The following EFHB variants were observed in gnomAD, a reference collection of about 807,000 sequenced individuals.
The protein encoded by EFHB is EF-hand domain family member B, also known as EF-hand domain-containing family member B.
A neutral mutation model predicts 87.2 loss-of-function variants in EFHB; 91 were observed. The observed-to-expected ratio is 1.04, with a 90% confidence interval of 0.88 to 1.24. The LOEUF (loss-of-function observed/expected upper bound fraction) is 1.24, where lower values mean the gene tolerates loss of function less well. Ranked by LOEUF, EFHB falls within the 50% of genes most tolerant of loss-of-function variation. EFHB has a pLI of 0.00. For synonymous variants in EFHB, 325 were observed against 333.6 expected (o/e 0.97, Z 0.28); for missense variants, 1,084 against 998.8 (o/e 1.09, Z -1.15).
Position 19,879,658 on chromosome 3 carries a change from G to A in EFHB, c.2475C>T (p.Asp825=), listed in dbSNP as rs1390683263. 5 of 1,599,532 alleles carry A rather than the reference G, an allele frequency of 3.1e-6. No individual in the cohort carries two copies. The African/African-American group carries it at 4.0e-5, about 13-fold the overall frequency. The part of the protein sequence containing the change: ...RNVLDELRHA[D]RIKCKTLM ...ACATGAGTGTTTTACACTTGATCCG[G>A]TCTGCATGCCGTAGCTCATCTAGAA... The change falls in exon 13 of 13, where the codon GAC becomes GAT. Residue 825 remains aspartate (D), a synonymous_variant. Coordinates refer to ENST00000295824, the MANE Select transcript of EFHB (RefSeq NM_144715.4).
chr3:19,923,042 C>T (rs938222477), intron 1 of EFHB, among the ~76,000 whole-genome samples: 1 of 152,034 alleles, frequency 6.6e-6, no homozygotes, highest in Non-Finnish European at 1.5e-5. Context: ...CAAAGGCGGG[C>T]GGATCACAAG....
At chr3:19,879,907 G>A (rs2071630149) in intron 12 of EFHB, 103 bp from the exon 13 acceptor site, 1 of 1,163,376 alleles carries the variant, frequency 8.6e-7, no homozygotes, top group Admixed American at 2.8e-5. Context: ...TTCCAAAAAA[G>A]TATGTGTGAA....
intron 1 of EFHB, among the ~76,000 whole-genome samples, chr3:19,927,317 G>T (rs1005025451): frequency 4.3e-4 from 65 of 152,204 alleles, no homozygotes; most frequent in Non-Finnish European, 7.5e-4. Context: ...CCCTTTCAAG[G>T]GCTACCAGGC....
rs143943843 is a variant in EFHB at position 19,920,030 on chromosome 3, A to G, written c.853-54T>C. The stretch of plus-strand genomic sequence containing the variant: ...TTAAGTACAGTTTCTAAAAATATTA[A>G]CAGGACTGATCTATACCAATCAACC... On this transcript the variant is annotated intron_variant, in intron 2 of 12. Coordinates refer to ENST00000295824, the MANE Select transcript of EFHB (RefSeq NM_144715.4). 2.5e-3 allele frequency: 3,934 copies of G among 1,594,126 alleles called. 8 individuals carry two copies. Among genetic ancestry groups the G allele is most frequent in the Non-Finnish European group, 3.1e-3 (3,557 of 1,165,458 alleles).
Position 19,908,654 on chromosome 3 carries a change from A to AAGAAAGAT in EFHB, c.1289-2906_1289-2905insATCTTTCT, listed in dbSNP as rs1185730604. On this transcript the variant is annotated intron_variant, in intron 5 of 12. Transcript: ENST00000295824. ...AAAGAAAGAAAGAAAGAAAGAAAGA[A>AAGAAAGAT]AAAGAAAGTTCTGTGTGAGATAGAG... Among the ~76,000 whole-genome samples the AAGAAAGAT allele has an allele frequency of 1.6e-3, 233 of 148,690 alleles. 5 individuals carry two copies. The highest frequency in any genetic ancestry group is 5.7e-3 in the African/African-American group (227 of 39,970).
intron 1 of EFHB, among the ~76,000 whole-genome samples, chr3:19,924,635 C>A (rs1301800449): frequency 2.0e-5 from 3 of 152,174 alleles, no homozygotes; most frequent in Admixed American, 2.0e-4. Context: ...GGGGAAGACT[C>A]ATCAACCTTG....
intron 1 of EFHB, among the ~76,000 whole-genome samples, chr3:19,925,628 G>C (rs1042169179): frequency 6.6e-6 from 1 of 152,034 alleles, no homozygotes; most frequent in Non-Finnish European, 1.5e-5. Context: ...TAACAACACC[G>C]GAGACACCTT....
intron 1 of EFHB, 140 bp from the exon 2 acceptor site, chr3:19,920,707 G>C (rs2931404): frequency 0.15 from 89,661 of 594,052 alleles, 7,738 homozygotes; most frequent in South Asian, 0.26. Context: ...AGAACAAATA[G>C]TAAATGTAAA....
intron 1 of EFHB, among the ~76,000 whole-genome samples, chr3:19,939,398 T>TTTTTTTC: frequency 9.3e-6 from 1 of 107,784 alleles, no homozygotes; most frequent in African/African-American, 3.2e-5. Flanking sequence ...TTTTTTTTTT[T>TTTTTTTC]TTGGGATGGA....
chr3:19,929,920 G>C (rs1035273504), intron 1 of EFHB, among the ~76,000 whole-genome samples: 2 of 152,060 alleles, frequency 1.3e-5, no homozygotes, highest in African/African-American at 4.8e-5. Context: ...CTCTCAAATA[G>C]GAATTTGAGA....
intron 11 of EFHB, among the ~76,000 whole-genome samples, chr3:19,883,551 T>A (rs185236010): frequency 6.6e-6 from 1 of 152,328 alleles, no homozygotes; most frequent in East Asian, 1.9e-4. Context: ...GATATATGGA[T>A]GTTATAGGTT....
intron 5 of EFHB, among the ~76,000 whole-genome samples, chr3:19,908,598 G>GAGAGAAAGAAAGAA (rs1694937855): frequency 1.8e-4 from 14 of 77,854 alleles, no homozygotes; most frequent in Non-Finnish European, 2.4e-4. Context: ...GAGAGAGAGA[G>GAGAGAAAGAAAGAA]AGAAAGAAAG....
chr3:19,924,250 G>T, intron 1 of EFHB, among the ~76,000 whole-genome samples: 1 of 140,630 alleles, frequency 7.1e-6, no homozygotes, highest in Non-Finnish European at 1.5e-5. Context: ...GTCGTCCTCT[G>T]TTGCCCAGGC....
chr3:19,882,523 C>T, intron 12 of EFHB, 27 bp downstream of exon 12: 1 of 1,450,554 alleles, frequency 6.9e-7, no homozygotes, highest in Non-Finnish European at 9.2e-7. Context: ...GAAAACATTT[C>T]CATTTTTGTA....
rs558257224 is a variant in EFHB, at chr3:19,929,659, A to C, written c.789+3571T>G. 2.8e-5 allele frequency among the ~76,000 whole-genome samples: 4 copies of C among 143,540 alleles called. No homozygotes were observed. In the East Asian group the frequency reaches 8.5e-4, roughly 31 times the overall value. 94.2% of individuals were successfully genotyped at this position (143,540 alleles called of 152,430 possible). On this transcript the variant is annotated intron_variant, in intron 1 of 12. Transcript: ENST00000295824. Reference sequence around the variant, plus strand: ...AGGAGGCGGAGATTGCAGCGAGCCGAGATGGTGCCACTGCACTCCAGCCTG... The same window carrying C: ...AGGAGGCGGAGATTGCAGCGAGCCGCGATGGTGCCACTGCACTCCAGCCTG...
chr3:19,903,420 T>C (rs114842889), intron 6 of EFHB, among the ~76,000 whole-genome samples: 1,650 of 152,292 alleles, frequency 0.011, 20 homozygotes, highest in African/African-American at 0.038. Context: ...ATAGCAAGTT[T>C]ATATTTCTAA....
intron 6 of EFHB, among the ~76,000 whole-genome samples, chr3:19,903,152 G>C (rs1006849766): frequency 1.3e-5 from 2 of 151,418 alleles, no homozygotes; most frequent in African/African-American, 4.9e-5. Context: ...AATCTAGTCT[G>C]GGTGACAGAG....
upstream of EFHB, chr3:19,936,195 A>G: frequency 9.2e-7 from 1 of 1,084,630 alleles, no homozygotes; most frequent in Non-Finnish European, 1.4e-6. Context: ...AACGCCAAGA[A>G]TTCAATTAGC....
chr3:19,910,091 G>A (rs1695004111), intron 5 of EFHB, among the ~76,000 whole-genome samples: 1 of 151,746 alleles, frequency 6.6e-6, no homozygotes, highest in Non-Finnish European at 1.5e-5. Context: ...AAAGTAAGGG[G>A]AACTTTGTCC....
Sources: gnomAD v4.1 joint callset for allele counts (sites outside exome capture counted in the v4.1 genomes callset) on GRCh38, gnomAD v4.1.1 for gene constraint, MANE v1.5 for transcripts, NCBI Gene and HGNC (gene_info 2026-07-23, HGNC 2026-07-21) for gene names.